TVP23C: variants seen among roughly 807,000 people sequenced by gnomAD.
The protein encoded by TVP23C is trans-golgi network vesicle protein 23 homolog C.
TVP23C carries 19 observed loss-of-function variants against 28.7 expected under a neutral mutation model. The observed-to-expected ratio is 0.66, with a 90% CI of 0.46 to 0.97. The LOEUF (loss-of-function observed/expected upper bound fraction) is 0.97, where lower values mean the gene tolerates loss of function less well. Among genes scored for constraint, TVP23C ranks in the 50% least tolerant of loss-of-function variants. The pLI is 0.00. For missense variants in TVP23C, 186 were observed against 241.3 expected (o/e 0.77, Z 1.52); for synonymous variants, 68 against 81.7 (o/e 0.83, Z 0.90).
Position 15,558,778 on chromosome 17 carries a change from AC to A in TVP23C, c.13-3415del, listed in dbSNP as rs552733513. On this transcript the variant is annotated intron_variant, in intron 1 of 5. Transcript: ENST00000518321. Reference sequence around the variant, plus strand: ...TGAGCCTCATTCTGGACTTCTGACCACCAGAACTTTACAACAGTACATATGA... The same window carrying A: ...TGAGCCTCATTCTGGACTTCTGACCACAGAACTTTACAACAGTACATATGA... 1.4e-3 allele frequency among the ~76,000 whole-genome samples: 215 copies of A among 148,760 alleles called. 2 individuals are homozygous for A. The highest frequency in any genetic ancestry group is 4.9e-3 in the African/African-American group (200 of 41,134).
chr17:15,515,531 G>C (rs1214401652), intron 5 of TVP23C, among the ~76,000 whole-genome samples: 1 of 152,176 alleles, frequency 6.6e-6, no homozygotes, highest in African/African-American at 2.4e-5. Flanking sequence ...AACTACACGA[G>C]ATACGATTTT....
intron 5 of TVP23C, among the ~76,000 whole-genome samples, chr17:15,522,749 C>G (rs540847520): frequency 6.6e-6 from 1 of 152,142 alleles, no homozygotes; most frequent in Admixed American, 6.5e-5. Flanking sequence ...TTATATAAGT[C>G]AAAACACTCC....
chr17:15,541,953 G>GT lies in TVP23C; in HGVS notation c.463-1393dup, dbSNP rs1983429094. Among the ~76,000 whole-genome samples, 6 of 152,300 alleles carry GT rather than the reference G, an allele frequency of 3.9e-5. No homozygotes were observed. The South Asian group carries it at 1.0e-3, about 26-fold the overall frequency. Reference sequence around the variant, plus strand: ...TCAATGGCAACAAATGTTAAAATCTGTAAGTTAAACTTCTGGTTTAAGATG... The same window carrying GT: ...TCAATGGCAACAAATGTTAAAATCTGTTAAGTTAAACTTCTGGTTTAAGATG... On this transcript the variant is annotated intron_variant, in intron 5 of 5. Coordinates refer to ENST00000518321, the MANE Select transcript of TVP23C (RefSeq NM_001135036.2).
chr17:15,562,692 A>G (rs2150866450), intron 1 of TVP23C: 1 of 152,302 alleles, frequency 6.6e-6, no homozygotes, highest in South Asian at 2.1e-4. Flanking sequence ...CTTTGCAATT[A>G]TCTGAAAATA....
intron 5 of TVP23C, among the ~76,000 whole-genome samples, chr17:15,542,666 A>G (rs1013358010): frequency 4.6e-5 from 7 of 152,040 alleles, no homozygotes; most frequent in South Asian, 2.1e-4. Flanking sequence ...TAGTAGAGAC[A>G]GGGTTTCACC....
downstream of TVP23C, among the ~76,000 whole-genome samples, chr17:15,536,619 A>G (rs1983169277): frequency 6.6e-6 from 1 of 151,986 alleles, no homozygotes; most frequent in Admixed American, 6.6e-5. Flanking sequence ...CAGTTCAAAT[A>G]ACACAGTTAC....
At chr17:15,502,732 T>G in exon 6 of TVP23C, 2 of 827,082 alleles carry the variant, frequency 2.4e-6, no homozygotes, top group Non-Finnish European at 1.6e-6. Context: ...CTCTCTCTCT[T>G]TCTCTCTCCT....
chr17:15,558,866 ATT>A (rs564958078), intron 1 of TVP23C, among the ~76,000 whole-genome samples: 75 of 133,054 alleles, frequency 5.6e-4, no homozygotes, highest in Admixed American at 4.6e-4. Flanking sequence ...CAGACTGGCC[ATT>A]TTTTTTTTTT....
At chr17:15,523,683 G>C (rs1353346449) in intron 5 of TVP23C, among the ~76,000 whole-genome samples, 1 of 143,902 alleles carries the variant, frequency 6.9e-6, no homozygotes, top group South Asian at 2.2e-4. Context: ...GTGCAATCTC[G>C]GCTCACTGCC....
intron 1 of TVP23C, chr17:15,562,116 C>T (rs146862674): frequency 2.0e-5 from 3 of 152,354 alleles, no homozygotes; most frequent in African/African-American, 7.2e-5. Context: ...CACCAGCAGC[C>T]CTCCAGGCTG....
In TVP23C at chr17:15,560,305, C is replaced by G. The variant is rs1401468577; in HGVS notation, c.12+3132G>C. Among the ~76,000 whole-genome samples, 2 of 148,924 alleles carry G rather than the reference C, an allele frequency of 1.3e-5. 1 individual carries two copies. The highest frequency in any genetic ancestry group is 3.0e-5 in the Non-Finnish European group (2 of 66,570). The stretch of plus-strand genomic sequence containing the variant: ...GGTCTCCATCTCTTGACCTCATGAT[C>G]CACCCACCCTGGCCTCCCAAAGTGC... On this transcript the variant is annotated intron_variant, in intron 1 of 5. Transcript: ENST00000518321.
At chr17:15,541,107 G>A (rs1159851511) in intron 5 of TVP23C, among the ~76,000 whole-genome samples, 2 of 152,138 alleles carry the variant, frequency 1.3e-5, no homozygotes, top group Non-Finnish European at 2.9e-5. Flanking sequence ...ACAGCTCCAA[G>A]GGGAACTGTA....
At chr17:15,518,704 T>C (rs1430529566) in intron 5 of TVP23C, among the ~76,000 whole-genome samples, 1 of 145,760 alleles carries the variant, frequency 6.9e-6, no homozygotes, top group Non-Finnish European at 1.5e-5. Context: ...AGAGAAGAGC[T>C]CCACTGGGCT....
chr17:15,502,709 T>G, exon 6 of TVP23C: 9 of 1,199,302 alleles, frequency 7.5e-6, no homozygotes, highest in Non-Finnish European at 9.9e-6. Context: ...CGTTCGTTCT[T>G]TCTCTCTCTC....
downstream of TVP23C, among the ~76,000 whole-genome samples, chr17:15,535,016 A>G (rs1983100100): frequency 6.8e-6 from 1 of 146,948 alleles, no homozygotes; most frequent in Non-Finnish European, 1.5e-5. Flanking sequence ...TACTAGCACC[A>G]TTCAGTCAAT....
At chr17:15,557,191 G>A (rs942300393) in intron 1 of TVP23C, among the ~76,000 whole-genome samples, 5 of 149,170 alleles carry the variant, frequency 3.4e-5, no homozygotes, top group African/African-American at 9.7e-5. Context: ...GCACTTGGAC[G>A]AATCTCCATT....
Position 15,538,123 on chromosome 17 carries a change from C to G in TVP23C, c.*2289G>C. Reference sequence around the variant, plus strand: ...ATGTAACAAAGCACATAAGCTTTCTCTATTCAGGAAGTCTGATCATCTCCA... The same window carrying G: ...ATGTAACAAAGCACATAAGCTTTCTGTATTCAGGAAGTCTGATCATCTCCA... On this transcript the variant is annotated 3_prime_UTR_variant, in exon 6 of 6. Coordinates refer to ENST00000518321, the MANE Select transcript of TVP23C (RefSeq NM_001135036.2). The G allele has an allele frequency of 6.2e-7, 1 of 1,613,812 alleles. No homozygotes were observed. Among genetic ancestry groups the G allele is most frequent in the East Asian group, 2.2e-5 (1 of 44,884 alleles).
At chr17:15,524,259 A>T (rs1242408645) in intron 5 of TVP23C, among the ~76,000 whole-genome samples, 4 of 152,096 alleles carry the variant, frequency 2.6e-5, no homozygotes, top group African/African-American at 9.7e-5. Flanking sequence ...CAAATTTTAA[A>T]ATATTATAAT....
intron 4 of TVP23C, among the ~76,000 whole-genome samples, chr17:15,546,616 G>T (rs536576135): frequency 1.3e-5 from 2 of 148,824 alleles, no homozygotes; most frequent in African/African-American, 5.0e-5. Context: ...AGAAGCTTAG[G>T]AATAGAGTGC....
Sources: gnomAD v4.1 joint callset for allele counts (sites outside exome capture counted in the v4.1 genomes callset) on GRCh38, gnomAD v4.1.1 for gene constraint, MANE v1.5 for transcripts, NCBI Gene and HGNC (gene_info 2026-07-23, HGNC 2026-07-21) for gene names.